The following HERC5 variants were observed in gnomAD, a reference collection of about 807,000 sequenced individuals.
The protein encoded by HERC5 is HECT and RLD domain containing E3 ubiquitin protein ligase 5.
HERC5 carries 99 observed loss-of-function variants against 119.6 expected under a neutral mutation model. That is an observed-to-expected ratio of 0.83 (90% CI 0.70 to 0.98). HERC5 has a LOEUF of 0.98. HERC5 is among the 50% of genes least tolerant of loss of function. The pLI is 0.00. For missense variants in HERC5, 1,267 were observed against 1,241.3 expected, an observed-to-expected ratio of 1.02 and a Z score of -0.31; for synonymous variants, 478 against 445.9, an observed-to-expected ratio of 1.07 and a Z score of -0.91.
At position 88,469,252 on chromosome 4, in the gene HERC5, C is replaced by G. The variant is rs144962395; in HGVS notation, c.1230C>G (p.Ser410Arg). 9.0e-5 allele frequency: 145 copies of G among 1,606,810 alleles called. No individual in the cohort carries two copies. In the African/African-American group the frequency reaches 1.8e-3, roughly 20 times the overall value. ...IADVETKRWQ[S>R]TKREIQEIFS... The stretch of plus-strand genomic sequence containing the variant: ...ATGTGGAGACTAAACGGTGGCAGAG[C>G]ACAAAAAGGTACACCCCACAGTCTG... Residue 410 changes from serine to arginine, a missense_variant, in exon 9 of 23, where the codon AGC becomes AGG. Coordinates refer to ENST00000264350, the MANE Select transcript of HERC5 (RefSeq NM_016323.4).
chr4:88,488,877 A>G (rs1425071950), intron 15 of HERC5, among the ~76,000 whole-genome samples: 2 of 152,156 alleles, frequency 1.3e-5, no homozygotes, highest in African/African-American at 4.8e-5. Context: ...TTAAGCATTA[A>G]TAATTGTGTG....
intron 13 of HERC5, among the ~76,000 whole-genome samples, chr4:88,482,936 A>G (rs1384638218): frequency 6.6e-6 from 1 of 151,876 alleles, no homozygotes; most frequent in African/African-American, 2.4e-5. Flanking sequence ...TGGCCTGAAT[A>G]GTGATTCTTA....
At chr4:88,458,267 A>G (rs1421096270) in intron 1 of HERC5, among the ~76,000 whole-genome samples, 1 of 151,818 alleles carries the variant, frequency 6.6e-6, no homozygotes, top group Non-Finnish European at 1.5e-5. Context: ...TGTTGTTTTT[A>G]GTGCATTTTT....
chr4:88,462,081 A>G, intron 3 of HERC5, 54 bp from the exon 4 acceptor site: 1 of 1,437,996 alleles, frequency 7.0e-7, no homozygotes, highest in Admixed American at 1.9e-5. Flanking sequence ...CTTTAGGGTA[A>G]TGTCTGCTGC....
chr4:88,494,448 A>G, intron 18 of HERC5, 117 bp downstream of exon 18: 1 of 838,514 alleles, frequency 1.2e-6, no homozygotes, highest in Non-Finnish European at 1.9e-6. Context: ...GGTACTTTAG[A>G]CCAGTTTTAA....
rs867720231 is a variant in HERC5, at chr4:88,476,733, C to T, written c.1582+703C>T. On this transcript the variant is annotated intron_variant, in intron 12 of 22. Transcript: ENST00000264350. Reference sequence around the variant, plus strand: ...GTCAGGAGTTCAAGACTAGCCTGGCCAACATGACAAAACCCTGACTCTACT... The same window carrying T: ...GTCAGGAGTTCAAGACTAGCCTGGCTAACATGACAAAACCCTGACTCTACT... Among the ~76,000 whole-genome samples, 6 of 152,096 alleles carry T rather than the reference C, an allele frequency of 3.9e-5. No homozygotes were observed. In the South Asian group the frequency reaches 8.3e-4, roughly 21 times the overall value.
At position 88,505,855 on chromosome 4, in the gene HERC5, A is replaced by G; in HGVS notation, c.3052A>G (p.Asn1018Asp). 6.2e-7 allele frequency: 1 copy of G among 1,611,890 alleles called. No homozygotes were observed. The highest frequency in any genetic ancestry group is 8.5e-7 in the Non-Finnish European group (1 of 1,179,044). ...TVEEALQEAI[N>D]NNRGFG Reference sequence around the variant, plus strand: ...TGAAGAAGCGCTTCAAGAAGCCATCAACAACAACAGAGGATTTGGCTGACC... The same window carrying G: ...TGAAGAAGCGCTTCAAGAAGCCATCGACAACAACAGAGGATTTGGCTGACC... Residue 1018 changes from asparagine to aspartate, a missense_variant, in exon 23 of 23, where the codon AAC (asparagine) becomes GAC (aspartate). Physicochemically the swap from Asn to Asp is conservative, Grantham distance 23 (BLOSUM62 1). Transcript: ENST00000264350.
chr4:88,467,003 A>C, intron 6 of HERC5, 56 bp from the exon 7 acceptor site: 1 of 1,570,886 alleles, frequency 6.4e-7, no homozygotes. Context: ...GTATTGCTAA[A>C]CACTCTCATC....
At chr4:88,482,156 A>G (rs1378816726) in intron 13 of HERC5, among the ~76,000 whole-genome samples, 1 of 151,724 alleles carries the variant, frequency 6.6e-6, no homozygotes, top group Non-Finnish European at 1.5e-5. Flanking sequence ...CTAAAAATAC[A>G]AAAGTTAGCT....
Position 88,472,267 on chromosome 4 carries a change from A to G in HERC5, c.1299-142A>G, listed in dbSNP as rs540333162. 121 of 612,538 alleles carry G rather than the reference A, an allele frequency of 2.0e-4. No individual in the cohort carries two copies. In the South Asian group the frequency reaches 2.5e-3, roughly 13 times the overall value. The allele number at this position is 612,538 out of a possible 1,614,324, so 37.9% of individuals were successfully genotyped here. On this transcript the variant is annotated intron_variant, in intron 10 of 22. Transcript: ENST00000264350. ...TTTTAGAAAAAATCATGTTTACTACATTGCATTTGGATTTAGACAATTTAT... is the reference window on the plus strand; with the variant it reads ...TTTTAGAAAAAATCATGTTTACTACGTTGCATTTGGATTTAGACAATTTAT...
chr4:88,476,053 A>G, intron 12 of HERC5, 23 bp downstream of exon 12: 2 of 1,579,690 alleles, frequency 1.3e-6, no homozygotes, highest in Non-Finnish European at 1.7e-6. Context: ...ATTTGAAGAT[A>G]CTTTACCTGT....
intron 7 of HERC5, among the ~76,000 whole-genome samples, chr4:88,467,628 T>TA (rs990249823): frequency 5.9e-5 from 9 of 152,378 alleles, no homozygotes; most frequent in African/African-American, 2.2e-4. Context: ...GCTCAGCACT[T>TA]ACTTGTGTTA....
intron 1 of HERC5, chr4:88,457,963 C>A (rs985961810): frequency 2.0e-6 from 2 of 995,208 alleles, no homozygotes; most frequent in African/African-American, 3.5e-5. Context: ...CCTTCAGTTG[C>A]ACTTCTCCCA....
intron 1 of HERC5, 132 bp from the exon 2 acceptor site, chr4:88,459,210 TAAGAG>T (rs1278057805): frequency 1.4e-5 from 9 of 638,444 alleles, no homozygotes; most frequent in Non-Finnish European, 2.2e-5. Flanking sequence ...TGAATTTTCT[TAAGAG>T]AAGTTCATGG....
rs758016475 is a variant in HERC5 at position 88,505,754 on chromosome 4, A to T, written c.2951A>T (p.Asn984Ile). Residue 984 changes from asparagine (N) to isoleucine (I), a missense_variant, in exon 23 of 23, where the codon AAT (asparagine) becomes ATT (isoleucine). Physicochemically the swap from Asn to Ile is moderately radical, Grantham distance 149. Transcript: ENST00000264350. ...ACATTTTGCTGTCCTGAAAGTTGGA[A>T]TGAAAGAGACCCTATAAGAGCACTG... ...KITFCCPESW[N>I]ERDPIRALTC... 1.2e-6 allele frequency: 2 copies of T among 1,607,804 alleles called. No individual in the cohort carries two copies. The highest frequency in any genetic ancestry group is 4.5e-5 in the East Asian group (2 of 44,866).
chr4:88,480,082 A>AC (rs1741230127), intron 13 of HERC5, among the ~76,000 whole-genome samples: 1 of 151,832 alleles, frequency 6.6e-6, no homozygotes, highest in Non-Finnish European at 1.5e-5. Flanking sequence ...AAAAAAAAAA[A>AC]AAAGAAATAA....
chr4:88,482,610 C>T (rs1741316510), intron 13 of HERC5, among the ~76,000 whole-genome samples: 1 of 152,154 alleles, frequency 6.6e-6, no homozygotes, highest in African/African-American at 2.4e-5. Flanking sequence ...ATCCCAGGTC[C>T]TTGGTATATG....
At chr4:88,478,172 A>T (rs2149096817) in intron 12 of HERC5, among the ~76,000 whole-genome samples, 1 of 152,326 alleles carries the variant, frequency 6.6e-6, no homozygotes, top group African/African-American at 2.4e-5. Flanking sequence ...AGCTCACTGT[A>T]ATCTTTGAAC....
intron 18 of HERC5, among the ~76,000 whole-genome samples, chr4:88,496,292 C>T (rs1019795916): frequency 6.6e-6 from 1 of 152,138 alleles, no homozygotes; most frequent in African/African-American, 2.4e-5. Flanking sequence ...TATTAAACTT[C>T]ACAACCTGGT....
Sources: gnomAD v4.1 joint callset for allele counts (sites outside exome capture counted in the v4.1 genomes callset) on GRCh38, gnomAD v4.1.1 for gene constraint, MANE v1.5 for transcripts, NCBI Gene and HGNC (gene_info 2026-07-23, HGNC 2026-07-21) for gene names.